SMAD5: variants seen among roughly 807,000 people sequenced by gnomAD.
SMAD5 encodes the protein MAD, mothers against decapentaplegic homolog 5.
A neutral mutation model predicts 43.1 loss-of-function variants in SMAD5; 9 were observed. The ratio of observed to expected loss-of-function variants is 0.21; its 90% CI spans 0.13 to 0.36. SMAD5 has a LOEUF of 0.36. Among genes scored for constraint, SMAD5 ranks in the 10% least tolerant of loss-of-function variants. The probability of loss-of-function intolerance (pLI) is 1.00; values close to 1 mark genes in which losing one functional copy is unlikely to be tolerated. For synonymous variants in SMAD5, 190 were observed against 192.4 expected, an observed-to-expected ratio of 0.99 and a Z score of 0.10; for missense variants, 348 against 574.0, an observed-to-expected ratio of 0.61 and a Z score of 4.02.
intron 3 of SMAD5, among the ~76,000 whole-genome samples, chr5:136,160,033 A>G (rs1488975729): frequency 6.6e-6 from 1 of 152,238 alleles, no homozygotes; most frequent in African/African-American, 2.4e-5. Flanking sequence ...CTGCATGGAA[A>G]GGTAATCAGA....
intron 2 of SMAD5, chr5:136,152,634 T>C (rs1010363716): frequency 1.3e-5 from 2 of 152,164 alleles, no homozygotes; most frequent in African/African-American, 4.8e-5. Context: ...TGTGCAGCGA[T>C]CTGCAGGAGA....
At position 136,146,533 on chromosome 5, in the gene SMAD5, TG is replaced by T. The variant is rs1404006651; in HGVS notation, c.-244-1298del. Among the ~76,000 whole-genome samples, 36 of 151,950 alleles carry T rather than the reference TG, an allele frequency of 2.4e-4. 1 individual carries two copies. In the South Asian group the frequency reaches 6.6e-3, roughly 28 times the overall value. ...TGTTCAGAGGTATTGCAGGTTCACT[TG>T]TGGCTCATGCAAATCAGAACGTATT... is the stretch of plus-strand genomic sequence containing the variant. On this transcript the variant is annotated intron_variant, in intron 1 of 7. Transcript: ENST00000545279.
chr5:136,162,658 T>C (rs1038687241), intron 4 of SMAD5, among the ~76,000 whole-genome samples: 4 of 152,228 alleles, frequency 2.6e-5, no homozygotes, highest in African/African-American at 9.6e-5. Flanking sequence ...GCTGTAGCTT[T>C]TGCAAAATTT....
chr5:136,168,531 A>G (rs1211508089), intron 5 of SMAD5, among the ~76,000 whole-genome samples: 1 of 152,198 alleles, frequency 6.6e-6, no homozygotes, highest in Non-Finnish European at 1.5e-5. Flanking sequence ...CTCCTCCATT[A>G]TCAGCATCTC....
At chr5:136,140,512 A>G (rs1240322949) in intron 1 of SMAD5, among the ~76,000 whole-genome samples, 2 of 152,138 alleles carry the variant, frequency 1.3e-5, no homozygotes, top group Admixed American at 6.5e-5. Flanking sequence ...TGCCAGAAGC[A>G]TGCCAGACAT....
In SMAD5 at chr5:136,179,971, A is replaced by G. The variant is rs1003734330; in HGVS notation, c.*2491A>G. ...TATGTCACAGTCTTGAGTTAACAAGATCTTACGTGATTGGCCTTTTCTTTG... is the reference window on the plus strand; with the variant it reads ...TATGTCACAGTCTTGAGTTAACAAGGTCTTACGTGATTGGCCTTTTCTTTG... On this transcript the variant is annotated 3_prime_UTR_variant, in exon 8 of 8. Transcript: ENST00000545279. The G allele has an allele frequency of 2.6e-5, 4 of 152,152 alleles. No homozygotes were observed. Among genetic ancestry groups the G allele is most frequent in the African/African-American group, 9.7e-5 (4 of 41,432 alleles). 9.4% of individuals were successfully genotyped at this position (152,152 alleles called of 1,614,324 possible).
chr5:136,163,765 G>A (rs1214312520), intron 5 of SMAD5, among the ~76,000 whole-genome samples: 5 of 152,078 alleles, frequency 3.3e-5, no homozygotes, highest in East Asian at 1.9e-4. Flanking sequence ...AGGTTCATCC[G>A]TGTTGTAGCA....
chr5:136,137,389 A>T (rs1752924986), intron 1 of SMAD5, among the ~76,000 whole-genome samples: 1 of 151,290 alleles, frequency 6.6e-6, no homozygotes, highest in East Asian at 1.9e-4. Context: ...TGATATCCAT[A>T]TATGTTGTTT....
chr5:136,169,067 G>A (rs970613712), intron 5 of SMAD5, among the ~76,000 whole-genome samples: 3 of 152,196 alleles, frequency 2.0e-5, no homozygotes, highest in African/African-American at 7.2e-5. Flanking sequence ...GGGTGGATCA[G>A]TCCAAGCCCA....
intron 6 of SMAD5, among the ~76,000 whole-genome samples, chr5:136,173,098 T>TA (rs1170238151): frequency 6.6e-6 from 1 of 152,202 alleles, no homozygotes; most frequent in Non-Finnish European, 1.5e-5. Flanking sequence ...TTGTAAGTGT[T>TA]ACCATGATGT....
At chr5:136,145,505 A>G (rs1753230410) in intron 1 of SMAD5, among the ~76,000 whole-genome samples, 1 of 151,934 alleles carries the variant, frequency 6.6e-6, no homozygotes. Flanking sequence ...TTTAAGTTAT[A>G]AGAAAGCATT....
rs1754473867 is a variant in SMAD5 at position 136,177,672 on chromosome 5, T to C, written c.*192T>C. 3 of 499,556 alleles carry C rather than the reference T, an allele frequency of 6.0e-6. No individual in the cohort carries two copies. Among genetic ancestry groups the C allele is most frequent in the Non-Finnish European group, 1.0e-5 (3 of 287,324 alleles). 30.9% of individuals were successfully genotyped at this position (499,556 alleles called of 1,614,324 possible). ...TTGTATTCATGTTCATGTGATTAAC[T>C]CTTAGAAGTGTTGTAAAAGATGCAG... On this transcript the variant is annotated 3_prime_UTR_variant, in exon 8 of 8. Coordinates refer to ENST00000545279, the MANE Select transcript of SMAD5 (RefSeq NM_005903.7).
At chr5:136,142,238 T>A (rs1348436188) in intron 1 of SMAD5, among the ~76,000 whole-genome samples, 1 of 152,182 alleles carries the variant, frequency 6.6e-6, no homozygotes, top group Non-Finnish European at 1.5e-5. Flanking sequence ...GAGTATGTGA[T>A]GCGGTAAGCA....
chr5:136,136,468 A>C (rs1752881401), intron 1 of SMAD5, among the ~76,000 whole-genome samples: 1 of 152,190 alleles, frequency 6.6e-6, no homozygotes, highest in African/African-American at 2.4e-5. Flanking sequence ...TTTGCAGTTC[A>C]TTGGTGTTGT....
chr5:136,158,282 A>G (rs2149771407), intron 3 of SMAD5, among the ~76,000 whole-genome samples: 1 of 152,280 alleles, frequency 6.6e-6, no homozygotes, highest in Middle Eastern at 3.4e-3. Context: ...AAGATTCTGA[A>G]AACTTTCCAG....
intron 3 of SMAD5, among the ~76,000 whole-genome samples, chr5:136,156,276 G>C (rs7701291): frequency 0.36 from 54,791 of 151,948 alleles, 10,866 homozygotes; most frequent in African/African-American, 0.54. Flanking sequence ...TCATACATAC[G>C]CTGTCACCTT....
rs1207980302 is a variant in SMAD5 at position 136,178,048 on chromosome 5, A to G, written c.*568A>G. ...AACTGGTAGTGTTCAGTAAAAGCAA[A>G]ATGATAGTTTTCTAGATGACATAAA... On this transcript the variant is annotated 3_prime_UTR_variant, in exon 8 of 8. Coordinates refer to ENST00000545279, the MANE Select transcript of SMAD5 (RefSeq NM_005903.7). The G allele has an allele frequency of 2.6e-5, 4 of 152,648 alleles. No individual in the cohort carries two copies. The highest frequency in any genetic ancestry group is 5.9e-5 in the Non-Finnish European group (4 of 68,066). The allele number at this position is 152,648 out of a possible 1,614,324, so 9.5% of individuals were successfully genotyped here.
At chr5:136,169,808 A>G (rs890372686) in intron 5 of SMAD5, among the ~76,000 whole-genome samples, 6 of 152,166 alleles carry the variant, frequency 3.9e-5, no homozygotes, top group African/African-American at 1.4e-4. Context: ...GATTTTGGCC[A>G]TTCTAATAGG....
intron 6 of SMAD5, 33 bp from the exon 7 acceptor site, chr5:136,174,343 T>C: frequency 6.2e-7 from 1 of 1,602,404 alleles, no homozygotes; most frequent in Non-Finnish European, 8.5e-7. Context: ...AATGATTCTT[T>C]TAGCTGACTC....
Sources: allele counts gnomAD v4.1 joint callset (sites outside exome capture counted in the v4.1 genomes callset), GRCh38; gene constraint gnomAD v4.1.1; transcripts MANE v1.5; gene names NCBI Gene and HGNC (gene_info 2026-07-23, HGNC 2026-07-21).